The following PAK5 variants were observed in gnomAD, a reference collection of about 807,000 sequenced individuals.
PAK5 encodes the protein p21 (RAC1) activated kinase 5, also known as serine/threonine-protein kinase PAK 5.
In PAK5, 16 loss-of-function variants were observed where a neutral mutation model predicts 65.9. The ratio of observed to expected loss-of-function variants is 0.24; its 90% CI spans 0.16 to 0.37. The LOEUF (loss-of-function observed/expected upper bound fraction) is 0.37, where lower values mean the gene tolerates loss of function less well. PAK5 is among the 10% of genes least tolerant of loss of function. The pLI is 1.00. For missense variants in PAK5, 785 were observed against 903.9 expected, an observed-to-expected ratio of 0.87 and a Z score of 1.69; for synonymous variants, 371 against 354.9, an observed-to-expected ratio of 1.05 and a Z score of -0.51.
intron 2 of PAK5, among the ~76,000 whole-genome samples, chr20:9,707,080 A>G (rs561935372): frequency 2.0e-5 from 3 of 152,072 alleles, no homozygotes; most frequent in African/African-American, 7.2e-5. Context: ...CTATATTCCT[A>G]TGTCTTTAAA....
chr20:9,598,768 T>A (rs1179389654), intron 3 of PAK5, among the ~76,000 whole-genome samples: 1 of 152,348 alleles, frequency 6.6e-6, no homozygotes, highest in Non-Finnish European at 1.5e-5. Flanking sequence ...CTTTGAGAAG[T>A]GTCTGTTCAT....
intron 1 of PAK5, among the ~76,000 whole-genome samples, chr20:9,766,265 G>A (rs2048757494): frequency 7.0e-6 from 1 of 143,046 alleles, no homozygotes; most frequent in Non-Finnish European, 1.5e-5. Flanking sequence ...TGTTCTAATT[G>A]AATATATATA....
intron 2 of PAK5, among the ~76,000 whole-genome samples, chr20:9,676,147 C>A (rs1025424478): frequency 2.0e-5 from 3 of 151,954 alleles, no homozygotes; most frequent in Non-Finnish European, 4.4e-5. Context: ...CAGGAAAACT[C>A]CCCCTTACAA....
chr20:9,818,240 G>A (rs988182780), intron 1 of PAK5, among the ~76,000 whole-genome samples: 2 of 152,110 alleles, frequency 1.3e-5, no homozygotes, highest in South Asian at 2.1e-4. Context: ...ATGCTGGACT[G>A]TCTTAAGCAA....
chr20:9,761,594 T>A (rs1265594149), intron 1 of PAK5, among the ~76,000 whole-genome samples: 1 of 152,128 alleles, frequency 6.6e-6, no homozygotes, highest in Non-Finnish European at 1.5e-5. Context: ...CAAACCGATT[T>A]TGAGCAAGAA....
At chr20:9,645,637 C>T (rs1039263563) in intron 2 of PAK5, among the ~76,000 whole-genome samples, 16 of 151,536 alleles carry the variant, frequency 1.1e-4, no homozygotes, top group African/African-American at 2.4e-4. Context: ...CAGGCTGGAG[C>T]GCAGTGGTGC....
chr20:9,589,692 T>A (rs1438567378), intron 3 of PAK5, among the ~76,000 whole-genome samples: 1 of 152,186 alleles, frequency 6.6e-6, no homozygotes, highest in Non-Finnish European at 1.5e-5. Context: ...TGTTTTGAGA[T>A]GGAGTTTCAC....
At position 9,838,719 on chromosome 20, in the gene PAK5, G is replaced by A. The variant is rs1241797668; in HGVS notation, c.-162+43C>T. On this transcript the variant is annotated intron_variant, in intron 1 of 9. Transcript: ENST00000353224. The surrounding 1 kb of genome is among the most constrained non-coding windows in gnomAD (Gnocchi z 4.5). ...CATCCCCGCAGGCGCCTCTCCTCTC[G>A]CCGATACCCACCCAGGCAGTCCCGA... The A allele has an allele frequency of 6.6e-6, 1 of 152,254 alleles. No homozygotes were observed. The highest frequency in any genetic ancestry group is 2.4e-5 in the African/African-American group (1 of 41,430). 9.4% of individuals were successfully genotyped at this position (152,254 alleles called of 1,614,324 possible). A position where few individuals can be genotyped will look rare whatever the true frequency, so the allele number is the denominator to read the frequency against.
chr20:9,621,099 G>T lies in PAK5; in HGVS notation c.204+23026C>A, dbSNP rs138075103. ...AGAGCATCTCTGTTGATTCAAGCACGACACAAAAGAGAGTGTCTGGAAATA... is the reference window on the plus strand; with the variant it reads ...AGAGCATCTCTGTTGATTCAAGCACTACACAAAAGAGAGTGTCTGGAAATA... On this transcript the variant is annotated intron_variant, in intron 3 of 9. Coordinates refer to ENST00000353224, the MANE Select transcript of PAK5 (RefSeq NM_177990.4). Among the ~76,000 whole-genome samples, 233 of 152,042 alleles carry T rather than the reference G, an allele frequency of 1.5e-3. 1 individual carries two copies. The highest frequency in any genetic ancestry group is 3.5e-3 in the Admixed American group (53 of 15,266).
chr20:9,771,440 G>A (rs939338466), intron 1 of PAK5, among the ~76,000 whole-genome samples: 2 of 150,034 alleles, frequency 1.3e-5, no homozygotes, highest in South Asian at 4.2e-4. Context: ...ATAGGGTCTT[G>A]CTCTGTCACC....
chr20:9,798,782 A>G (rs1280572020), intron 1 of PAK5, among the ~76,000 whole-genome samples: 2 of 152,146 alleles, frequency 1.3e-5, no homozygotes, highest in African/African-American at 4.8e-5. Context: ...TGGGTTCATC[A>G]AGGATGATGG....
In PAK5 at chr20:9,805,812, T is replaced by C. The variant is rs530455629; in HGVS notation, c.-162+32950A>G. Among the ~76,000 whole-genome samples the C allele has an allele frequency of 2.6e-5, 4 of 152,270 alleles. No individual in the cohort carries two copies. In the South Asian group the frequency reaches 8.3e-4, roughly 32 times the overall value. On this transcript the variant is annotated intron_variant, in intron 1 of 9. Coordinates refer to ENST00000353224, the MANE Select transcript of PAK5 (RefSeq NM_177990.4). The stretch of plus-strand genomic sequence containing the variant: ...TAGAAAATGTTCTAAAATTAGATAG[T>C]GGTGTTGGTTGCAGAACTCTTTCAA...
chr20:9,725,031 C>G (rs1057514364), intron 1 of PAK5, among the ~76,000 whole-genome samples: 1 of 152,016 alleles, frequency 6.6e-6, no homozygotes, highest in Admixed American at 6.6e-5. Flanking sequence ...ACACTAACTA[C>G]ATACCCACAA....
chr20:9,805,172 G>A (rs1327597768), intron 1 of PAK5, among the ~76,000 whole-genome samples: 3 of 152,074 alleles, frequency 2.0e-5, no homozygotes, highest in African/African-American at 7.2e-5. Flanking sequence ...ACCACAATGA[G>A]ATACCACTTC....
intron 3 of PAK5, among the ~76,000 whole-genome samples, chr20:9,612,451 G>A (rs1310761025): frequency 1.3e-5 from 2 of 152,218 alleles, no homozygotes; most frequent in African/African-American, 4.8e-5. Context: ...GGAGACCTCA[G>A]GAAACTTACA....
intron 1 of PAK5, among the ~76,000 whole-genome samples, chr20:9,821,938 T>C (rs908906388): frequency 6.6e-6 from 1 of 152,162 alleles, no homozygotes; most frequent in Non-Finnish European, 1.5e-5. Flanking sequence ...TTTGGGGATA[T>C]AGAGTTCCAA....
At chr20:9,611,487 G>C (rs1258480338) in intron 3 of PAK5, among the ~76,000 whole-genome samples, 1 of 152,030 alleles carries the variant, frequency 6.6e-6, no homozygotes. Context: ...CCCACAATTT[G>C]CCACCCCAAT....
chr20:9,622,550 C>A (rs544563451), intron 3 of PAK5, among the ~76,000 whole-genome samples: 1 of 152,170 alleles, frequency 6.6e-6, no homozygotes, highest in Non-Finnish European at 1.5e-5. Context: ...GGTCATGGAC[C>A]CATACCCGGA....
rs1569008226 is a variant in PAK5 at position 9,628,094 on chromosome 20, A to G, written c.204+16031T>C. ...TCAAAATATTGTTCTCTTCTTAAAAAAGGGAATTTTCATTATACTTTGTAC... is the reference window on the plus strand; with the variant it reads ...TCAAAATATTGTTCTCTTCTTAAAAGAGGGAATTTTCATTATACTTTGTAC... On this transcript the variant is annotated intron_variant, in intron 3 of 9. Coordinates refer to ENST00000353224, the MANE Select transcript of PAK5 (RefSeq NM_177990.4). Among the ~76,000 whole-genome samples, 4 of 152,362 alleles carry G rather than the reference A, an allele frequency of 2.6e-5. No individual in the cohort carries two copies. The South Asian group carries it at 8.3e-4, about 32-fold the overall frequency.
Sources: gnomAD v4.1 joint callset for allele counts (sites outside exome capture counted in the v4.1 genomes callset) on GRCh38, gnomAD v4.1.1 for gene constraint, Gnocchi (gnomAD v3.1) non-coding constraint, MANE v1.5 for transcripts, NCBI Gene and HGNC (gene_info 2026-07-23, HGNC 2026-07-21) for gene names.